ULK4: variants seen among roughly 807,000 people sequenced by gnomAD.
ULK4 encodes the protein inactive serine/threonine-protein kinase ULK4.
A neutral mutation model predicts 160.6 loss-of-function variants in ULK4; 133 were observed. The ratio of observed to expected loss-of-function variants is 0.83; its 90% CI spans 0.72 to 0.96. ULK4 has a LOEUF of 0.96. Ranked by LOEUF, ULK4 falls within the 40% of genes least tolerant of loss-of-function variation. The pLI, the probability that ULK4 is intolerant of heterozygous loss-of-function variation, is 0.00. For synonymous variants in ULK4, 534 were observed against 539.8 expected (o/e 0.99, Z 0.15); for missense variants, 1,580 against 1,499.5 (o/e 1.05, Z -0.89).
intron 31 of ULK4, among the ~76,000 whole-genome samples, chr3:41,569,463 T>C (rs1232025978): frequency 6.6e-6 from 1 of 152,038 alleles, no homozygotes; most frequent in South Asian, 2.1e-4. Flanking sequence ...GGGGTGAAGA[T>C]CAAATACATA....
intron 31 of ULK4, among the ~76,000 whole-genome samples, chr3:41,600,068 A>G (rs887815837): frequency 2.0e-5 from 3 of 152,116 alleles, no homozygotes; most frequent in Non-Finnish European, 4.4e-5. Flanking sequence ...TAATGACCAA[A>G]TCCTTCTTTA....
intron 29 of ULK4, among the ~76,000 whole-genome samples, chr3:41,670,570 T>C (rs551501474): frequency 3.7e-4 from 56 of 151,976 alleles, no homozygotes; most frequent in Non-Finnish European, 4.1e-4. Context: ...TATATACGTA[T>C]GTATATATGT....
At chr3:41,348,649 C>T (rs147274098) in intron 35 of ULK4, among the ~76,000 whole-genome samples, 100 of 151,704 alleles carry the variant, frequency 6.6e-4, no homozygotes, top group African/African-American at 2.3e-3. Flanking sequence ...CAGTAAAACG[C>T]GAGTAAATGT....
At chr3:41,943,117 G>A (rs1313109925) in intron 2 of ULK4, among the ~76,000 whole-genome samples, 1 of 151,342 alleles carries the variant, frequency 6.6e-6, no homozygotes, top group Non-Finnish European at 1.5e-5. Flanking sequence ...GGAGGCTGAG[G>A]CAGCAGAATG....
At position 41,246,784 on chromosome 3, in the gene ULK4, G is replaced by T. The variant is rs2078651402; in HGVS notation, c.*145C>A. The T allele has an allele frequency of 2.2e-6, 2 of 929,470 alleles. No individual in the cohort carries two copies. Among genetic ancestry groups the T allele is most frequent in the Non-Finnish European group, 1.6e-6 (1 of 621,306 alleles). The allele number at this position is 929,470 out of a possible 1,614,324, so 57.6% of individuals were successfully genotyped here. A position where few individuals can be genotyped will look rare whatever the true frequency, so the allele number is the denominator to read the frequency against. On this transcript the variant is annotated 3_prime_UTR_variant, in exon 37 of 37. Coordinates refer to ENST00000301831, the MANE Select transcript of ULK4 (RefSeq NM_017886.4). ...TAGGCCCTGGGGTTAGTGAGCACTT[G>T]GGCCACCAGGTTCTGGGTTAAGCTG...
At chr3:41,552,862 G>A (rs989954277) in intron 32 of ULK4, among the ~76,000 whole-genome samples, 2 of 151,998 alleles carry the variant, frequency 1.3e-5, no homozygotes, top group Non-Finnish European at 1.5e-5. Flanking sequence ...CACATTACAA[G>A]GCTATGTAAC....
At chr3:41,346,949 A>G (rs1342542975) in intron 35 of ULK4, among the ~76,000 whole-genome samples, 1 of 152,190 alleles carries the variant, frequency 6.6e-6, no homozygotes, top group Non-Finnish European at 1.5e-5. Flanking sequence ...AAACTTTTCT[A>G]ATGGCTTAAA....
At chr3:41,540,935 T>C (rs1408455224) in intron 32 of ULK4, among the ~76,000 whole-genome samples, 1 of 152,246 alleles carries the variant, frequency 6.6e-6, no homozygotes. Flanking sequence ...TATTATCCCT[T>C]TGTCAGACAG....
intron 11 of ULK4, among the ~76,000 whole-genome samples, chr3:41,909,155 G>A (rs969295241): frequency 6.6e-6 from 1 of 151,476 alleles, no homozygotes; most frequent in Non-Finnish European, 1.5e-5. Flanking sequence ...CAGCTACTTG[G>A]GAGGCTGAGG....
At chr3:41,929,257 T>C (rs147546629) in intron 5 of ULK4, among the ~76,000 whole-genome samples, 2,915 of 152,224 alleles carry the variant, frequency 0.019, 93 homozygotes, top group African/African-American at 0.065. Flanking sequence ...ATTATCTCAA[T>C]AGATGCAGAA....
intron 34 of ULK4, among the ~76,000 whole-genome samples, chr3:41,431,071 C>T (rs145653228): frequency 6.6e-6 from 1 of 152,152 alleles, no homozygotes. Flanking sequence ...GACAACAGGC[C>T]GGGCGCGGTG....
intron 21 of ULK4, among the ~76,000 whole-genome samples, chr3:41,782,995 A>G (rs556700197): frequency 6.6e-6 from 1 of 151,902 alleles, no homozygotes; most frequent in African/African-American, 2.4e-5. Flanking sequence ...ATGAGCCAGC[A>G]AAGAACATAG....
At chr3:41,959,363 CA>C (rs5848611) in intron 1 of ULK4, among the ~76,000 whole-genome samples, 2,659 of 133,054 alleles carry the variant, frequency 0.02, 85 homozygotes, top group African/African-American at 0.07. Flanking sequence ...GATTCCATCT[CA>C]AAAAAAAAAA....
At chr3:41,321,185 TGTTA>T (rs1187024532) in intron 35 of ULK4, among the ~76,000 whole-genome samples, 1 of 151,568 alleles carries the variant, frequency 6.6e-6, no homozygotes, top group East Asian at 2.1e-4. Context: ...AGAGAAGAGG[TGTTA>T]ATTAGGGTGG....
chr3:41,751,034 G>A (rs1368806793), intron 22 of ULK4, among the ~76,000 whole-genome samples: 1 of 132,636 alleles, frequency 7.5e-6, no homozygotes, highest in Non-Finnish European at 1.6e-5. Flanking sequence ...AGGAGGGAGG[G>A]AAGGAGGGAG....
chr3:41,387,933 C>G (rs915372972), intron 35 of ULK4, among the ~76,000 whole-genome samples: 2 of 152,088 alleles, frequency 1.3e-5, no homozygotes, highest in Non-Finnish European at 2.9e-5. Flanking sequence ...GTTCTAGATC[C>G]CTGAGGAATC....
chr3:41,712,991 A>G (rs2037155082), intron 25 of ULK4, among the ~76,000 whole-genome samples: 1 of 152,064 alleles, frequency 6.6e-6, no homozygotes, highest in Non-Finnish European at 1.5e-5. Context: ...AGAACCAAAT[A>G]AGCACTATGC....
chr3:41,598,616 AAATAT>A (rs747733372), intron 31 of ULK4, among the ~76,000 whole-genome samples: 15 of 152,300 alleles, frequency 9.8e-5, no homozygotes, highest in Admixed American at 2.0e-4. Flanking sequence ...AAACATCATC[AAATAT>A]ATGTGGCTAT....
chr3:41,864,365 TTTG>T (rs1390779446), intron 17 of ULK4, among the ~76,000 whole-genome samples: 2 of 79,298 alleles, frequency 2.5e-5, no homozygotes, highest in East Asian at 5.5e-4. Flanking sequence ...TTTGTTTTGT[TTTG>T]TTTTGTTTTG....
Sources: gnomAD v4.1 joint callset for allele counts (sites outside exome capture counted in the v4.1 genomes callset) on GRCh38, gnomAD v4.1.1 for gene constraint, MANE v1.5 for transcripts, NCBI Gene and HGNC (gene_info 2026-07-23, HGNC 2026-07-21) for gene names.